Variants in MYRIP observed in about 807,000 individuals in gnomAD.
MYRIP encodes rab effector MyRIP.
Under a neutral mutation model 98.0 loss-of-function variants are expected in MYRIP, and 49 were observed. The ratio of observed to expected loss-of-function variants is 0.50; its 90% CI spans 0.40 to 0.63. The LOEUF is 0.63. Ranked by LOEUF, MYRIP falls within the 30% of genes least tolerant of loss-of-function variation. MYRIP has a pLI of 0.00. For synonymous variants in MYRIP, 404 were observed against 409.5 expected, an observed-to-expected ratio of 0.99 and a Z score of 0.16; for missense variants, 1,004 against 1,058.2, an observed-to-expected ratio of 0.95 and a Z score of 0.71.
At chr3:40,060,596 T>TGAGAGAGAGAGGGAGAGAGAGAGAGAGA (rs1947988821) in intron 3 of MYRIP, among the ~76,000 whole-genome samples, 9 of 138,794 alleles carry the variant, frequency 6.5e-5, no homozygotes. Flanking sequence ...TTTCTTTTTT[T>TGAGAGAGAGAGGGAGAGAGAGAGAGAGA]GAGAGAGAGA....
chr3:39,995,548 A>C (rs866147232), intron 2 of MYRIP, among the ~76,000 whole-genome samples: 4 of 152,226 alleles, frequency 2.6e-5, no homozygotes, highest in South Asian at 2.1e-4. Flanking sequence ...AAAAGACCAA[A>C]TCTACGTCTG....
chr3:39,974,172 TAAAAG>T (rs1208284102), intron 2 of MYRIP, among the ~76,000 whole-genome samples: 7 of 150,866 alleles, frequency 4.6e-5, no homozygotes, highest in African/African-American at 1.5e-4. Flanking sequence ...ATAAAGAAGA[TAAAAG>T]AGAAGAATCA....
intron 1 of MYRIP, among the ~76,000 whole-genome samples, chr3:39,820,764 C>T (rs916186652): frequency 6.6e-6 from 1 of 152,184 alleles, no homozygotes; most frequent in Admixed American, 6.5e-5. Context: ...TTTTTCAGCT[C>T]TGTGGTCCAG....
At chr3:40,131,320 T>C (rs1949634015) in intron 3 of MYRIP, among the ~76,000 whole-genome samples, 1 of 152,244 alleles carries the variant, frequency 6.6e-6, no homozygotes, top group African/African-American at 2.4e-5. Flanking sequence ...TTTTTTACTG[T>C]ATTTCTTCTA....
At chr3:40,215,866 T>C (rs1952105117) in intron 11 of MYRIP, among the ~76,000 whole-genome samples, 1 of 152,212 alleles carries the variant, frequency 6.6e-6, no homozygotes, top group Admixed American at 6.5e-5. Flanking sequence ...CAACTGTCTA[T>C]TTAACTGCTG....
intron 2 of MYRIP, among the ~76,000 whole-genome samples, chr3:39,927,944 A>G (rs892511707): frequency 1.3e-5 from 2 of 152,082 alleles, no homozygotes; most frequent in African/African-American, 4.8e-5. Flanking sequence ...CCATATGATC[A>G]TCTCAATAGA....
chr3:40,247,466 A>C (rs1436550509), intron 13 of MYRIP, among the ~76,000 whole-genome samples: 1 of 152,146 alleles, frequency 6.6e-6, no homozygotes, highest in Non-Finnish European at 1.5e-5. Context: ...CCAAGGTCAA[A>C]TACCTAGAAA....
At chr3:40,017,420 A>C (rs1946887457) in intron 2 of MYRIP, among the ~76,000 whole-genome samples, 1 of 152,182 alleles carries the variant, frequency 6.6e-6, no homozygotes, top group Non-Finnish European at 1.5e-5. Context: ...CTGAGTTCTC[A>C]TTAGGTAGGG....
At chr3:39,919,540 G>C (rs1054162710) in intron 2 of MYRIP, among the ~76,000 whole-genome samples, 14 of 152,102 alleles carry the variant, frequency 9.2e-5, no homozygotes, top group African/African-American at 3.1e-4. Context: ...GTCACCTCCT[G>C]GGTTGGCCCC....
intron 2 of MYRIP, among the ~76,000 whole-genome samples, chr3:40,030,768 A>T (rs1947241651): frequency 6.6e-6 from 1 of 152,116 alleles, no homozygotes; most frequent in Admixed American, 6.6e-5. Flanking sequence ...AAATGTTCAG[A>T]ATAGGCAAAC....
intron 1 of MYRIP, among the ~76,000 whole-genome samples, chr3:39,870,342 TGTTCC>T (rs1942748433): frequency 6.8e-6 from 1 of 146,862 alleles, no homozygotes; most frequent in Non-Finnish European, 1.5e-5. Flanking sequence ...CAAGCACCAT[TGTTCC>T]AATTTGTTCC....
chr3:39,947,233 A>G (rs1944923542), intron 2 of MYRIP, among the ~76,000 whole-genome samples: 1 of 152,124 alleles, frequency 6.6e-6, no homozygotes, highest in Admixed American at 6.6e-5. Flanking sequence ...TAAACTAGGG[A>G]TTTAAATGTT....
chr3:40,036,693 A>G (rs1947393774), intron 2 of MYRIP, among the ~76,000 whole-genome samples: 1 of 152,128 alleles, frequency 6.6e-6, no homozygotes, highest in Non-Finnish European at 1.5e-5. Context: ...CTGGAGAAGC[A>G]TTGATACTTA....
At chr3:40,021,220 T>C (rs1575470539) in intron 2 of MYRIP, among the ~76,000 whole-genome samples, 1 of 152,330 alleles carries the variant, frequency 6.6e-6, no homozygotes, top group African/African-American at 2.4e-5. Context: ...TACACAAATT[T>C]AGGAAAGGTG....
At chr3:40,155,200 T>A (rs1471784481) in intron 4 of MYRIP, among the ~76,000 whole-genome samples, 1 of 145,000 alleles carries the variant, frequency 6.9e-6, no homozygotes. Flanking sequence ...GTCCATGTGT[T>A]CTCATTGTTC....
intron 2 of MYRIP, among the ~76,000 whole-genome samples, chr3:39,949,328 T>G (rs1380323390): frequency 2.6e-5 from 4 of 152,166 alleles, no homozygotes; most frequent in Non-Finnish European, 5.9e-5. Context: ...AACAATCCCT[T>G]GTCCTGTTAG....
chr3:40,159,093 T>C (rs1559426542), intron 4 of MYRIP, among the ~76,000 whole-genome samples: 1 of 152,224 alleles, frequency 6.6e-6, no homozygotes, highest in African/African-American at 2.4e-5. Context: ...CTAGTCTCGA[T>C]GGTCTTTACA....
At chr3:39,832,686 G>T (rs9865892) in intron 1 of MYRIP, among the ~76,000 whole-genome samples, 3,344 of 152,278 alleles carry the variant, frequency 0.022, 113 homozygotes, top group African/African-American at 0.076. Flanking sequence ...AATAATTTTA[G>T]TGTAAAGCAG....
rs79886077 is a variant in MYRIP, at chr3:39,869,369, GT to G, written c.-30-31416del. On this transcript the variant is annotated intron_variant, in intron 1 of 16. Transcript: ENST00000302541. ...CCTTCTAGTGATTTTTTTAAAATTAGTTGTTGCACTTTTCAACTCCAGAATT... is the reference window on the plus strand; with the variant it reads ...CCTTCTAGTGATTTTTTTAAAATTAGTGTTGCACTTTTCAACTCCAGAATT... Among the ~76,000 whole-genome samples the G allele has an allele frequency of 2.0e-5, 3 of 151,892 alleles. No individual in the cohort carries two copies. The East Asian group carries it at 5.8e-4, about 29-fold the overall frequency.
Sources: allele counts gnomAD v4.1 joint callset (sites outside exome capture counted in the v4.1 genomes callset), GRCh38; gene constraint gnomAD v4.1.1; transcripts MANE v1.5; gene names NCBI Gene and HGNC (gene_info 2026-07-23, HGNC 2026-07-21).